The following PHAX variants were observed in gnomAD, a reference collection of about 807,000 sequenced individuals.
The protein encoded by PHAX is phosphorylated adaptor for RNA export.
Under a neutral mutation model 41.6 loss-of-function variants are expected in PHAX, and 31 were observed. The observed-to-expected ratio is 0.75, with a 90% CI of 0.56 to 1.01. The LOEUF (loss-of-function observed/expected upper bound fraction) is 1.01, where lower values mean the gene tolerates loss of function less well. Among genes scored for constraint, PHAX ranks in the 50% least tolerant of loss-of-function variants. The pLI is 0.00. For missense variants in PHAX, 453 were observed against 472.9 expected, an observed-to-expected ratio of 0.96 and a Z score of 0.39; for synonymous variants, 175 against 164.9, an observed-to-expected ratio of 1.06 and a Z score of -0.47.
At position 126,604,120 on chromosome 5, in the gene PHAX, A is replaced by G; in HGVS notation, c.647A>G (p.Lys216Arg). The change falls in exon 2 of 5, where the codon AAA becomes AGA. Residue 216 changes from lysine (K) to arginine (R), a missense_variant. Transcript: ENST00000297540. ...GGGAACAGACCAGAAATGAACTATA[A>G]AGGTCGATACGAGATCACAGCGGAA... ...RLGNRPEMNY[K>R]GRYEITAEDS... The G allele has an allele frequency of 2.5e-6, 4 of 1,599,748 alleles. No homozygotes were observed. The highest frequency in any genetic ancestry group is 3.4e-6 in the Non-Finnish European group (4 of 1,175,308).
intron 4 of PHAX, among the ~76,000 whole-genome samples, chr5:126,620,456 C>A (rs1364126914): frequency 6.6e-6 from 1 of 152,160 alleles, no homozygotes; most frequent in Non-Finnish European, 1.5e-5. Context: ...TATTATATAA[C>A]TTAATCTTCA....
intron 3 of PHAX, among the ~76,000 whole-genome samples, chr5:126,610,478 A>C (rs747876150): frequency 1.7e-4 from 26 of 152,248 alleles, no homozygotes; most frequent in Non-Finnish European, 1.6e-4. Flanking sequence ...TGTGAACATA[A>C]ATTACAGAAG....
At chr5:126,608,577 A>T in intron 3 of PHAX, 93 bp downstream of exon 3, 1 of 938,844 alleles carries the variant, frequency 1.1e-6, no homozygotes. Flanking sequence ...TGGATCTGTG[A>T]TTTATCATGC....
intron 2 of PHAX, among the ~76,000 whole-genome samples, chr5:126,606,670 TAGAC>T (rs920032723): frequency 6.6e-6 from 1 of 150,608 alleles, no homozygotes; most frequent in Non-Finnish European, 1.5e-5. Flanking sequence ...TGTTTTGTTT[TAGAC>T]AGAGTCTCAC....
At chr5:126,614,338 A>T (rs1413306315) in intron 3 of PHAX, among the ~76,000 whole-genome samples, 1 of 151,998 alleles carries the variant, frequency 6.6e-6, no homozygotes, top group Non-Finnish European at 1.5e-5. Context: ...ACCTCAAGTG[A>T]TCCACCCGTC....
At chr5:126,611,122 C>G (rs568029824) in intron 3 of PHAX, among the ~76,000 whole-genome samples, 1 of 151,734 alleles carries the variant, frequency 6.6e-6, no homozygotes, top group Non-Finnish European at 1.5e-5. Context: ...ATGGCGCAAT[C>G]TTGGCTCACC....
At chr5:126,602,063 G>A (rs1751912473) in intron 1 of PHAX, among the ~76,000 whole-genome samples, 2 of 152,120 alleles carry the variant, frequency 1.3e-5, no homozygotes, top group Admixed American at 1.3e-4. Flanking sequence ...CGCCCGCCTC[G>A]GCCTCCCAAA....
At chr5:126,611,047 CGTTTGTTTGTTT>C (rs112686673) in intron 3 of PHAX, among the ~76,000 whole-genome samples, 34,976 of 142,064 alleles carry the variant, frequency 0.25, 5,010 homozygotes, top group African/African-American at 0.42. Context: ...TTTTTCTTTT[CGTTTGTTTGTTT>C]GTTTGTTTGT....
chr5:126,606,143 G>A (rs1474864241), intron 2 of PHAX, among the ~76,000 whole-genome samples: 3 of 151,812 alleles, frequency 2.0e-5, no homozygotes, highest in Non-Finnish European at 4.4e-5. Context: ...CTAATGTTAT[G>A]TTTTTGTTTG....
rs1167672730 is a variant in PHAX at position 126,608,037 on chromosome 5, T to A, written c.711-327T>A. The stretch of plus-strand genomic sequence containing the variant: ...TAATTGAAAGTATATATGTCTGTTA[T>A]TTATTTTGACAATAGTGGACTGCCT... On this transcript the variant is annotated intron_variant, in intron 2 of 4. Transcript: ENST00000297540. Among the ~76,000 whole-genome samples the A allele has an allele frequency of 2.0e-5, 3 of 152,218 alleles. No homozygotes were observed. The South Asian group carries it at 6.2e-4, about 32-fold the overall frequency.
intron 3 of PHAX, among the ~76,000 whole-genome samples, chr5:126,612,176 A>G (rs1025861906): frequency 6.6e-6 from 1 of 152,354 alleles, no homozygotes; most frequent in Middle Eastern, 3.4e-3. Context: ...TTTTAAAGAT[A>G]GGCTCTTACC....
In PHAX at chr5:126,617,238, T is replaced by TC; in HGVS notation, c.832-10dup. 1 of 1,586,298 alleles carries TC rather than the reference T, an allele frequency of 6.3e-7. No individual in the cohort carries two copies. The highest frequency in any genetic ancestry group is 2.2e-5 in the East Asian group (1 of 44,678). On this transcript the variant is annotated splice_polypyrimidine_tract_variant and intron_variant, in intron 3 of 4. Coordinates refer to ENST00000297540, the MANE Select transcript of PHAX (RefSeq NM_032177.4). ...AGTATATGCAGTTTACCTTTTCTGT[T>TC]CCTTTTTGTAGAATGGTAGTCGAAG...
At chr5:126,611,029 T>G (rs138189507) in intron 3 of PHAX, among the ~76,000 whole-genome samples, 44 of 149,194 alleles carry the variant, frequency 2.9e-4, no homozygotes, top group Admixed American at 8.0e-4. Flanking sequence ...TTCTTTTTTT[T>G]TTTGTTTTTT....
At chr5:126,606,752 A>C (rs1751993666) in intron 2 of PHAX, among the ~76,000 whole-genome samples, 1 of 151,956 alleles carries the variant, frequency 6.6e-6, no homozygotes, top group South Asian at 2.1e-4. Context: ...CCTGGGTTCA[A>C]TCAAATCTCC....
chr5:126,604,402 C>T (rs556498700), intron 2 of PHAX, among the ~76,000 whole-genome samples: 154 of 149,570 alleles, frequency 1.0e-3, no homozygotes, highest in African/African-American at 3.6e-3. Context: ...ATAGCTGGGA[C>T]CACAGGTATG....
chr5:126,600,979 G>T lies in PHAX; in HGVS notation c.17G>T (p.Gly6Val). Residue 6 changes from glycine to valine, a missense_variant, in exon 1 of 5, where the codon GGC (glycine) becomes GTC (valine). Transcript: ENST00000297540. ...CGCGGGAAGATGGCGTTGGAGGTCG[G>T]CGATATGGAAGATGGGCAGCTTTCC... MALEV[G>V]DMEDGQLSDS... 1 of 1,604,430 alleles carries T rather than the reference G, an allele frequency of 6.2e-7. No homozygotes were observed. The highest frequency in any genetic ancestry group is 8.5e-7 in the Non-Finnish European group (1 of 1,175,610).
rs1752360675 is a variant in PHAX at position 126,626,735 on chromosome 5, C to CAACAA, written c.*1893_*1894insCAAAA. On this transcript the variant is annotated 3_prime_UTR_variant, in exon 5 of 5. Transcript: ENST00000297540. ...CTGGCGACAGAGCGAGACTCCCTCT[C>CAACAA]AAAAAAAAAAAAAAAAATACAAAAA... 1.3e-5 allele frequency: 1 copy of CAACAA among 77,824 alleles called. No homozygotes were observed. Among genetic ancestry groups the CAACAA allele is most frequent in the South Asian group, 4.4e-4 (1 of 2,250 alleles). 4.8% of individuals were successfully genotyped at this position (77,824 alleles called of 1,614,324 possible). A position where few individuals can be genotyped will look rare whatever the true frequency, so the allele number is the denominator to read the frequency against.
At chr5:126,604,213 G>A in intron 2 of PHAX, 30 bp downstream of exon 2, 1 of 1,496,604 alleles carries the variant, frequency 6.7e-7, no homozygotes, top group South Asian at 1.4e-5. Context: ...ATAAGTACTT[G>A]ACCAGATGGC....
At chr5:126,613,932 T>A (rs533161006) in intron 3 of PHAX, among the ~76,000 whole-genome samples, 1 of 152,002 alleles carries the variant, frequency 6.6e-6, no homozygotes, top group African/African-American at 2.4e-5. Flanking sequence ...TAAGCCACAA[T>A]GCCCAGCTAA....
Sources: allele counts gnomAD v4.1 joint callset (sites outside exome capture counted in the v4.1 genomes callset), GRCh38; gene constraint gnomAD v4.1.1; transcripts MANE v1.5; gene names NCBI Gene and HGNC (gene_info 2026-07-23, HGNC 2026-07-21).